The following MAPK8IP3 variants were observed in gnomAD, a reference collection of about 807,000 sequenced individuals.
The protein encoded by MAPK8IP3 is C-Jun-amino-terminal kinase-interacting protein 3.
A neutral mutation model predicts 157.8 loss-of-function variants in MAPK8IP3; 49 were observed. That is an observed-to-expected ratio of 0.31 (90% confidence interval 0.25 to 0.39). MAPK8IP3 has a LOEUF of 0.39. Ranked by LOEUF, MAPK8IP3 falls within the 10% of genes least tolerant of loss-of-function variation. MAPK8IP3 has a pLI of 1.00. For missense variants in MAPK8IP3, 1,478 were observed against 1,889.4 expected (o/e 0.78, Z 4.04); for synonymous variants, 897 against 777.7 (o/e 1.15, Z -2.55).
chr16:1,737,266 G>C (rs1235525822), intron 4 of MAPK8IP3, among the ~76,000 whole-genome samples: 3 of 106,174 alleles, frequency 2.8e-5, no homozygotes, highest in African/African-American at 8.0e-5. Context: ...GTCCGTGTGA[G>C]CGTGTGAGCG....
chr16:1,757,786 ACCTGCCACAC>A (rs1168806356), intron 8 of MAPK8IP3, among the ~76,000 whole-genome samples: 9 of 152,068 alleles, frequency 5.9e-5, no homozygotes, highest in South Asian at 2.1e-4. Flanking sequence ...GAGACTGGGT[ACCTGCCACAC>A]CCTGCCACAC....
At chr16:1,745,119 G>C in intron 5 of MAPK8IP3, 1 of 985,476 alleles carries the variant, frequency 1.0e-6, no homozygotes, top group Non-Finnish European at 1.2e-6. Context: ...TTGTGGCCAG[G>C]GGGAGTGTCC....
In MAPK8IP3 at chr16:1,768,694, T is replaced by C. The variant is rs370661133; in HGVS notation, c.3893-9T>C. 25 of 1,611,634 alleles carry C rather than the reference T, an allele frequency of 1.6e-5. No homozygotes were observed. In the African/African-American group the frequency reaches 2.3e-4, roughly 15 times the overall value. On this transcript the variant is annotated splice_polypyrimidine_tract_variant and intron_variant, in intron 31 of 31. Coordinates refer to ENST00000610761, the MANE Select transcript of MAPK8IP3 (RefSeq NM_001318852.2). ...GAGCCTGGCCGTCACTCTGCTGCTT[T>C]GCCCGCAGGAGACGGAGAGGACGAC... is the stretch of plus-strand genomic sequence containing the variant.
chr16:1,749,734 A>G (rs1241763553), intron 8 of MAPK8IP3, among the ~76,000 whole-genome samples: 1 of 152,192 alleles, frequency 6.6e-6, no homozygotes, highest in Non-Finnish European at 1.5e-5. Context: ...CCCAGCCCGC[A>G]GGGTGAGAAG....
chr16:1,760,537 G>C lies in MAPK8IP3; in HGVS notation c.1457+5G>C, dbSNP rs1269545190. 1 of 1,608,930 alleles carries C rather than the reference G, an allele frequency of 6.2e-7. No individual in the cohort carries two copies. The highest frequency in any genetic ancestry group is 8.5e-7 in the Non-Finnish European group (1 of 1,176,450). On this transcript the variant is annotated splice_donor_5th_base_variant and intron_variant, in intron 12 of 31. Coordinates refer to ENST00000610761, the MANE Select transcript of MAPK8IP3 (RefSeq NM_001318852.2). ...GCTGGAAGAGGAACTGAAAAGGTGAGGGCAGGGCATGGAAAGCTGGTCAGA... is the reference window on the plus strand; with the variant it reads ...GCTGGAAGAGGAACTGAAAAGGTGACGGCAGGGCATGGAAAGCTGGTCAGA...
chr16:1,766,294 G>T lies in MAPK8IP3; in HGVS notation c.2704G>T (p.Val902Leu), dbSNP rs974886894. The T allele has an allele frequency of 1.2e-6, 2 of 1,612,586 alleles. No homozygotes were observed. Among genetic ancestry groups the T allele is most frequent in the Admixed American group, 1.7e-5 (1 of 60,006 alleles). ...STEEATEATE[V>L]PDPGPSEPET... is the part of the protein sequence containing the mutation. ...AGAGGAGGCCACAGAGGCCACGGAG[G>T]TGCCAGACCCTGGGCCCAGCGAGCC... Residue 902 changes from valine to leucine, a missense_variant, in exon 22 of 32, where the codon GTG (valine) becomes TTG (leucine). Val to Leu is a conservative substitution (Grantham distance 32). Coordinates refer to ENST00000610761, the MANE Select transcript of MAPK8IP3 (RefSeq NM_001318852.2).
At chr16:1,737,983 C>CGT (rs770499761) in intron 4 of MAPK8IP3, among the ~76,000 whole-genome samples, 5 of 42,078 alleles carry the variant, frequency 1.2e-4, no homozygotes, top group African/African-American at 5.7e-4. Flanking sequence ...TGTGACCGTC[C>CGT]GTGTGACCAT....
intron 4 of MAPK8IP3, among the ~76,000 whole-genome samples, chr16:1,739,839 CGT>C (rs1455437964): frequency 8.7e-6 from 1 of 114,758 alleles, no homozygotes; most frequent in Non-Finnish European, 1.7e-5. Context: ...TGTGACCGTC[CGT>C]GTGAGCATCC....
In MAPK8IP3 at chr16:1,766,048, C is replaced by T. The variant is rs199548526; in HGVS notation, c.2535C>T (p.Ala845=). ...PEDPGADGVL[A]GITLVGCATR... is the part of the protein sequence containing the mutation. ...ACCCGGGCGCAGATGGCGTGCTGGC[C>T]GGTATCACCCTGGTGGGCTGTGCCA... Residue 845 remains alanine (A), a synonymous_variant, in exon 21 of 32, where the codon GCC becomes GCT. Transcript: ENST00000610761. 68 of 1,612,734 alleles carry T rather than the reference C, an allele frequency of 4.2e-5. No individual in the cohort carries two copies. The highest frequency in any genetic ancestry group is 5.3e-5 in the Non-Finnish European group (63 of 1,179,968).
At chr16:1,707,894 A>C (rs1037673245) in intron 1 of MAPK8IP3, 1 of 152,228 alleles carries the variant, frequency 6.6e-6, no homozygotes, top group Non-Finnish European at 1.5e-5. Context: ...AGATTGTGTC[A>C]GTATTTTGGC....
chr16:1,766,132 C>T lies in MAPK8IP3; in HGVS notation c.2619C>T (p.Asp873=). 1.2e-6 allele frequency: 2 copies of T among 1,611,230 alleles called. No individual in the cohort carries two copies. Among genetic ancestry groups the T allele is most frequent in the East Asian group, 4.5e-5 (2 of 44,836 alleles). The change falls in exon 21 of 32, where the codon GAC becomes GAT. Residue 873 remains aspartate, a synonymous_variant. Transcript: ENST00000610761. ...CCCGAGGGGACACCCCAGTGCTAGA[C>T]AAGGGGCAGGGTGAGTCCTGGGCGA... ...CSSRGDTPVL[D]KGQGEVATIA...
chr16:1,764,046 G>T (rs961625649), intron 17 of MAPK8IP3, 69 bp from the exon 18 acceptor site: 3 of 1,446,862 alleles, frequency 2.1e-6, no homozygotes, highest in Non-Finnish European at 2.8e-6. Context: ...AGCCCTACCT[G>T]TCTCAGATTT....
intron 8 of MAPK8IP3, among the ~76,000 whole-genome samples, chr16:1,756,473 C>T (rs1003029991): frequency 4.6e-5 from 7 of 151,912 alleles, no homozygotes; most frequent in African/African-American, 1.5e-4. Flanking sequence ...GGTGACAGAA[C>T]GAGACCCCAT....
chr16:1,736,616 G>A (rs1268560871), intron 4 of MAPK8IP3, among the ~76,000 whole-genome samples: 4 of 68,468 alleles, frequency 5.8e-5, no homozygotes, highest in Non-Finnish European at 5.8e-5. Flanking sequence ...CCGTGTGACC[G>A]TCCGTGTGAG....
At chr16:1,711,004 G>A (rs764004548) in intron 1 of MAPK8IP3, among the ~76,000 whole-genome samples, 86 of 152,250 alleles carry the variant, frequency 5.6e-4, no homozygotes, top group Non-Finnish European at 1.1e-3. Context: ...GCCGCTGGGC[G>A]CAGCCTGCCC....
At chr16:1,749,710 A>G (rs2141872690) in intron 8 of MAPK8IP3, among the ~76,000 whole-genome samples, 1 of 152,346 alleles carries the variant, frequency 6.6e-6, no homozygotes, top group Admixed American at 6.5e-5. Flanking sequence ...GCCTTTCGCC[A>G]TGGCCTTGCT....
chr16:1,725,843 G>A (rs2038843058), intron 2 of MAPK8IP3, among the ~76,000 whole-genome samples: 1 of 150,840 alleles, frequency 6.6e-6, no homozygotes, highest in Admixed American at 6.6e-5. Flanking sequence ...GACTACAGGT[G>A]CCCGCCACCA....
rs1260624957 is a variant in MAPK8IP3 at position 1,751,148 on chromosome 16, T to A, written c.1216+2428T>A. Among the ~76,000 whole-genome samples the A allele has an allele frequency of 1.3e-5, 2 of 151,946 alleles. No homozygotes were observed. Among genetic ancestry groups the A allele is most frequent in the Non-Finnish European group, 2.9e-5 (2 of 67,990 alleles). On this transcript the variant is annotated intron_variant, in intron 8 of 31. Transcript: ENST00000610761. This position sits in a 1 kb window ranked among gnomAD's most constrained non-coding sequence, Gnocchi z 5.0. ...GCATCAAGCCGCCCTCCTGCCAGTGTCCCCATTTATAGATGAAGAAACTGA... is the reference window on the plus strand; with the variant it reads ...GCATCAAGCCGCCCTCCTGCCAGTGACCCCATTTATAGATGAAGAAACTGA...
At chr16:1,757,295 G>A (rs573457311) in intron 8 of MAPK8IP3, among the ~76,000 whole-genome samples, 59 of 152,192 alleles carry the variant, frequency 3.9e-4, no homozygotes, top group African/African-American at 1.3e-3. Context: ...TAGTAGAGAC[G>A]GGGTTTCACC....
Sources: gnomAD v4.1 joint callset for allele counts (sites outside exome capture counted in the v4.1 genomes callset) on GRCh38, gnomAD v4.1.1 for gene constraint, Gnocchi (gnomAD v3.1) non-coding constraint, MANE v1.5 for transcripts, NCBI Gene and HGNC (gene_info 2026-07-23, HGNC 2026-07-21) for gene names.